ERC2: variants seen among roughly 807,000 people sequenced by gnomAD.
ERC2 encodes ERC protein 2.
Under a neutral mutation model 114.8 loss-of-function variants are expected in ERC2, and 42 were observed. The ratio of observed to expected loss-of-function variants is 0.37; its 90% confidence interval spans 0.29 to 0.47. ERC2 has a LOEUF of 0.47. Among genes scored for constraint, ERC2 ranks in the 20% least tolerant of loss-of-function variants. ERC2 has a pLI of 0.99. For synonymous variants in ERC2, 454 were observed against 425.5 expected, an observed-to-expected ratio of 1.07 and a Z score of -0.82; for missense variants, 939 against 1,150.7, an observed-to-expected ratio of 0.82 and a Z score of 2.66.
At chr3:55,555,345 A>G (rs1041261112) in intron 17 of ERC2, among the ~76,000 whole-genome samples, 7 of 152,186 alleles carry the variant, frequency 4.6e-5, no homozygotes, top group Non-Finnish European at 4.4e-5. Flanking sequence ...CTTTAAATTG[A>G]GAAAGGCAAC....
At chr3:55,990,996 G>A (rs2071020602) in intron 11 of ERC2, among the ~76,000 whole-genome samples, 1 of 152,158 alleles carries the variant, frequency 6.6e-6, no homozygotes, top group African/African-American at 2.4e-5. Context: ...TCAGGGGGCC[G>A]AGGCAGAAGG....
intron 14 of ERC2, among the ~76,000 whole-genome samples, chr3:55,814,758 C>T (rs2149135755): frequency 6.6e-6 from 1 of 152,304 alleles, no homozygotes; most frequent in South Asian, 2.1e-4. Flanking sequence ...CACATGAAAG[C>T]ATTTTTCCTG....
At chr3:56,220,172 G>C (rs1178059448) in intron 3 of ERC2, among the ~76,000 whole-genome samples, 1 of 152,106 alleles carries the variant, frequency 6.6e-6, no homozygotes. Context: ...GCTTTATGCA[G>C]ATAAGACCAG....
chr3:55,823,595 G>C (rs565634050), intron 14 of ERC2, among the ~76,000 whole-genome samples: 1 of 152,280 alleles, frequency 6.6e-6, no homozygotes, highest in South Asian at 2.1e-4. Context: ...TCAATGACCT[G>C]GCCTACTGGA....
chr3:56,229,514 T>A (rs889633063), intron 3 of ERC2, among the ~76,000 whole-genome samples: 1 of 152,074 alleles, frequency 6.6e-6, no homozygotes, highest in East Asian at 1.9e-4. Flanking sequence ...GAGCTAAGGG[T>A]TCTTAGATAT....
At chr3:56,265,885 C>T (rs987197301) in intron 3 of ERC2, among the ~76,000 whole-genome samples, 1 of 151,284 alleles carries the variant, frequency 6.6e-6, no homozygotes, top group Non-Finnish European at 1.5e-5. Context: ...AAAAATTAGC[C>T]AGGTACAGTG....
At chr3:56,215,948 G>C (rs1292619911) in intron 3 of ERC2, among the ~76,000 whole-genome samples, 1 of 152,022 alleles carries the variant, frequency 6.6e-6, no homozygotes, top group Non-Finnish European at 1.5e-5. Flanking sequence ...AAACCAACGA[G>C]AACAAAGACA....
chr3:56,188,326 G>A (rs865981154), intron 3 of ERC2, among the ~76,000 whole-genome samples: 3 of 152,136 alleles, frequency 2.0e-5, no homozygotes, highest in Non-Finnish European at 4.4e-5. Context: ...TCTCGAGTAC[G>A]TGGAGAAGGC....
intron 12 of ERC2, among the ~76,000 whole-genome samples, chr3:55,951,638 G>C (rs1421254424): frequency 1.3e-5 from 2 of 152,058 alleles, no homozygotes; most frequent in Admixed American, 6.5e-5. Context: ...CAGTACGGAG[G>C]GCTCGGGAGC....
chr3:56,092,872 G>T (rs1408393356), intron 6 of ERC2, among the ~76,000 whole-genome samples: 2 of 152,114 alleles, frequency 1.3e-5, no homozygotes, highest in East Asian at 3.8e-4. Flanking sequence ...GCACGAAATT[G>T]TGTTTTAACA....
intron 13 of ERC2, among the ~76,000 whole-genome samples, chr3:55,941,440 T>C (rs1439660232): frequency 6.6e-6 from 1 of 152,162 alleles, no homozygotes; most frequent in Admixed American, 6.5e-5. Flanking sequence ...GCCCTCCAAA[T>C]GGCTATCTCA....
chr3:56,036,177 C>T (rs1381431255), intron 7 of ERC2, among the ~76,000 whole-genome samples: 3 of 152,096 alleles, frequency 2.0e-5, no homozygotes, highest in Non-Finnish European at 4.4e-5. Context: ...TAAAGACTCT[C>T]GACAAATTGG....
At chr3:55,726,533 T>C (rs571031038) in intron 15 of ERC2, among the ~76,000 whole-genome samples, 6 of 152,328 alleles carry the variant, frequency 3.9e-5, no homozygotes, top group Admixed American at 2.6e-4. Flanking sequence ...TAGGATTCCA[T>C]CCTTGTAGGT....
intron 2 of ERC2, among the ~76,000 whole-genome samples, chr3:56,373,603 G>A (rs1255082020): frequency 6.6e-6 from 1 of 152,120 alleles, no homozygotes; most frequent in Non-Finnish European, 1.5e-5. Context: ...TTGGTGTAAA[G>A]CAAGAGTCAG....
In ERC2 at chr3:55,508,900, A is replaced by G. The variant is rs1160788040; in HGVS notation, c.*2416T>C. 1 of 152,650 alleles carries G rather than the reference A, an allele frequency of 6.6e-6. No homozygotes were observed. The highest frequency in any genetic ancestry group is 1.5e-5 in the Non-Finnish European group (1 of 68,034). The allele number at this position is 152,650 out of a possible 1,614,324, so 9.5% of individuals were successfully genotyped here. A position where few individuals can be genotyped will look rare whatever the true frequency, so the allele number is the denominator to read the frequency against. ...ATGTTAGCCCAAACTTCTTTTTTCA[A>G]CTATGTTATGATTAGAAGAAAACCT... On this transcript the variant is annotated 3_prime_UTR_variant, in exon 18 of 18. Coordinates refer to ENST00000288221, the MANE Select transcript of ERC2 (RefSeq NM_015576.3).
At chr3:56,156,156 T>A (rs1286889852) in intron 4 of ERC2, among the ~76,000 whole-genome samples, 1 of 151,632 alleles carries the variant, frequency 6.6e-6, no homozygotes, top group Admixed American at 6.6e-5. Flanking sequence ...GAATCAAGGA[T>A]AGAGAAAAGG....
chr3:55,996,694 G>C (rs2071541857), intron 10 of ERC2, among the ~76,000 whole-genome samples: 1 of 152,156 alleles, frequency 6.6e-6, no homozygotes, highest in South Asian at 2.1e-4. Context: ...TCACTGATGT[G>C]GGCAGGCCTC....
chr3:56,248,864 G>A (rs950122180), intron 3 of ERC2, among the ~76,000 whole-genome samples: 4 of 152,308 alleles, frequency 2.6e-5, no homozygotes, highest in Middle Eastern at 3.4e-3. Flanking sequence ...TGCAATACAC[G>A]TACACAGAAA....
chr3:55,509,673 C>T lies in ERC2; in HGVS notation c.*1643G>A, dbSNP rs1216788825. 6.6e-6 allele frequency: 1 copy of T among 152,578 alleles called. No individual in the cohort carries two copies. The highest frequency in any genetic ancestry group is 1.5e-5 in the Non-Finnish European group (1 of 68,028). The allele number at this position is 152,578 out of a possible 1,614,324, so 9.5% of individuals were successfully genotyped here. On this transcript the variant is annotated 3_prime_UTR_variant, in exon 18 of 18. Coordinates refer to ENST00000288221, the MANE Select transcript of ERC2 (RefSeq NM_015576.3). The stretch of plus-strand genomic sequence containing the variant: ...CAACTCAGGGACGGTTTCATCTTCC[C>T]CGACAAATAAGGTGTTTGTCTTTTA...
Sources: gnomAD v4.1 joint callset for allele counts (sites outside exome capture counted in the v4.1 genomes callset) on GRCh38, gnomAD v4.1.1 for gene constraint, MANE v1.5 for transcripts, NCBI Gene and HGNC (gene_info 2026-07-23, HGNC 2026-07-21) for gene names.